Variants in ATP9A observed in about 807,000 individuals in gnomAD.
ATP9A encodes probable phospholipid-transporting ATPase IIA.
A neutral mutation model predicts 144.1 loss-of-function variants in ATP9A; 52 were observed. That is an observed-to-expected ratio of 0.36 (90% CI 0.29 to 0.45). The LOEUF (loss-of-function observed/expected upper bound fraction) is 0.45, where lower values mean the gene tolerates loss of function less well. Ranked by LOEUF, ATP9A falls within the 20% of genes least tolerant of loss-of-function variation. The pLI is 1.00. For missense variants in ATP9A, 947 were observed against 1,392.7 expected (o/e 0.68, Z 5.09); for synonymous variants, 582 against 557.4 (o/e 1.04, Z -0.62).
At chr20:51,658,439 C>G (rs1199011929) in intron 13 of ATP9A, among the ~76,000 whole-genome samples, 1 of 151,984 alleles carries the variant, frequency 6.6e-6, no homozygotes. Context: ...CCGCTCAGCA[C>G]CACCAACTGC....
At chr20:51,617,609 A>T (rs2077208596) in intron 21 of ATP9A, 55 bp from the exon 22 acceptor site, 2 of 1,579,566 alleles carry the variant, frequency 1.3e-6, no homozygotes, top group Non-Finnish European at 1.7e-6. Context: ...CTTAACCAAG[A>T]ATGTATGCTT....
At position 51,689,158 on chromosome 20, in the gene ATP9A, A is replaced by T; in HGVS notation, c.724-19T>A. The T allele has an allele frequency of 6.2e-7, 1 of 1,612,410 alleles. No homozygotes were observed. The highest frequency in any genetic ancestry group is 8.5e-7 in the Non-Finnish European group (1 of 1,178,760). ...TGTCTTCCTGGAAAAGACCAAACGG[A>T]CACACGTTCACCCCCCAAAGCTTCC... is the stretch of plus-strand genomic sequence containing the variant. On this transcript the variant is annotated intron_variant, in intron 8 of 27. Coordinates refer to ENST00000338821, the MANE Select transcript of ATP9A (RefSeq NM_006045.3).
chr20:51,751,858 G>T (rs1012815478), intron 1 of ATP9A, among the ~76,000 whole-genome samples: 3 of 152,126 alleles, frequency 2.0e-5, no homozygotes, highest in Non-Finnish European at 4.4e-5. Context: ...AAAGTGCTGG[G>T]ATTATAGGCG....
chr20:51,610,037 C>T, intron 24 of ATP9A, 64 bp downstream of exon 24: 2 of 1,439,040 alleles, frequency 1.4e-6, no homozygotes, highest in East Asian at 4.6e-5. Flanking sequence ...CACGTTTCTT[C>T]TCTCTGTTGC....
At chr20:51,614,986 C>T (rs906746038) in intron 22 of ATP9A, among the ~76,000 whole-genome samples, 2 of 149,022 alleles carry the variant, frequency 1.3e-5, no homozygotes, top group African/African-American at 5.0e-5. Context: ...GGAATTTGAG[C>T]ATGAATATTA....
At chr20:51,676,906 AC>A (rs1357003372) in intron 9 of ATP9A, among the ~76,000 whole-genome samples, 30 of 106,988 alleles carry the variant, frequency 2.8e-4, no homozygotes, top group Non-Finnish European at 5.1e-4. Context: ...ATGAGCCACC[AC>A]GCCCAGTCTC....
At chr20:51,627,405 T>C (rs1462709442) in intron 17 of ATP9A, among the ~76,000 whole-genome samples, 195 bp downstream of exon 17, 1 of 152,104 alleles carries the variant, frequency 6.6e-6, no homozygotes, top group Non-Finnish European at 1.5e-5. Context: ...AGCGAGGAAA[T>C]GGGCCATGGG....
chr20:51,757,355 T>G (rs2122914062), intron 1 of ATP9A, among the ~76,000 whole-genome samples: 1 of 152,244 alleles, frequency 6.6e-6, no homozygotes, highest in Non-Finnish European at 1.5e-5. Context: ...AAACTGCCCG[T>G]GGCACGTGGG....
chr20:51,648,748 C>G (rs1260867777), intron 14 of ATP9A, among the ~76,000 whole-genome samples: 2 of 152,106 alleles, frequency 1.3e-5, no homozygotes, highest in African/African-American at 2.4e-5. Flanking sequence ...GGGAGGACTG[C>G]TTGAGGCCAG....
chr20:51,706,366 T>C (rs1404072371), intron 4 of ATP9A, among the ~76,000 whole-genome samples: 7 of 152,254 alleles, frequency 4.6e-5, no homozygotes, highest in Admixed American at 2.6e-4. Context: ...TATTTTGTTA[T>C]AGGGGCCTCA....
chr20:51,629,968 C>T (rs1377382430), intron 15 of ATP9A, among the ~76,000 whole-genome samples: 1 of 152,254 alleles, frequency 6.6e-6, no homozygotes, highest in Non-Finnish European at 1.5e-5. Context: ...CCATACTGTA[C>T]GTAGAGAACA....
intron 24 of ATP9A, among the ~76,000 whole-genome samples, chr20:51,609,215 C>T (rs375531961): frequency 6.6e-6 from 1 of 152,122 alleles, no homozygotes; most frequent in African/African-American, 2.4e-5. Context: ...GGTCGCACGG[C>T]GCACAGCTCA....
At chr20:51,605,163 T>C (rs6063677) in intron 26 of ATP9A, 143 bp from the exon 27 acceptor site, 5 of 653,040 alleles carry the variant, frequency 7.7e-6, no homozygotes, top group African/African-American at 3.8e-5. Context: ...TGGTGCTTTA[T>C]GCAGGTCTGA....
intron 13 of ATP9A, among the ~76,000 whole-genome samples, chr20:51,661,426 T>A (rs2077410153): frequency 1.3e-5 from 2 of 151,410 alleles, no homozygotes; most frequent in African/African-American, 2.4e-5. Context: ...TGAAGAGGCA[T>A]GATCACAGCT....
At chr20:51,726,203 C>A (rs1885943004) in intron 2 of ATP9A, among the ~76,000 whole-genome samples, 1 of 150,600 alleles carries the variant, frequency 6.6e-6, no homozygotes, top group African/African-American at 2.4e-5. Context: ...ATCCCAGCTA[C>A]TCAGGAGGCT....
chr20:51,703,426 T>C (rs536551432), intron 4 of ATP9A, among the ~76,000 whole-genome samples: 1 of 152,266 alleles, frequency 6.6e-6, no homozygotes, highest in East Asian at 1.9e-4. Flanking sequence ...AAGCGGAAAA[T>C]TCTCTGCCTG....
intron 10 of ATP9A, 29 bp from the exon 11 acceptor site, chr20:51,674,342 G>A: frequency 1.2e-6 from 2 of 1,609,294 alleles, no homozygotes; most frequent in Non-Finnish European, 1.7e-6. Context: ...ACCAGGGCTT[G>A]AGATGAGCTG....
chr20:51,733,364 G>A (rs1670620279), intron 1 of ATP9A, among the ~76,000 whole-genome samples: 2 of 151,638 alleles, frequency 1.3e-5, no homozygotes, highest in Non-Finnish European at 2.9e-5. Context: ...ATCTGGTGAG[G>A]CCCATTCCTC....
chr20:51,638,109 ATATATATATATATATC>A (rs2077302278), intron 15 of ATP9A, among the ~76,000 whole-genome samples: 1 of 84,314 alleles, frequency 1.2e-5, no homozygotes, highest in African/African-American at 5.1e-5. Flanking sequence ...ATATATATAT[ATATATATATATATATC>A]TCATAGTTCC....
Sources: allele counts gnomAD v4.1 joint callset (sites outside exome capture counted in the v4.1 genomes callset), GRCh38; gene constraint gnomAD v4.1.1; transcripts MANE v1.5; gene names NCBI Gene and HGNC (gene_info 2026-07-23, HGNC 2026-07-21).